The following LRBA variants were observed in gnomAD, a reference collection of about 807,000 sequenced individuals.
LRBA encodes the protein LPS responsive beige-like anchor protein.
LRBA carries 176 observed loss-of-function variants against 330.0 expected under a neutral mutation model. The observed-to-expected ratio is 0.53, with a 90% CI of 0.47 to 0.60. The LOEUF (loss-of-function observed/expected upper bound fraction) is 0.60. Ranked by LOEUF, LRBA falls within the 20% of genes least tolerant of loss-of-function variation. The probability of loss-of-function intolerance (pLI) is 0.00; values close to 1 mark genes in which losing one functional copy is unlikely to be tolerated. For synonymous variants in LRBA, 1,230 were observed against 1,193.0 expected (o/e 1.03, Z -0.64); for missense variants, 3,259 against 3,444.8 (o/e 0.95, Z 1.35).
At chr4:150,914,156 A>G (rs778065708) in intron 9 of LRBA, 39 bp downstream of exon 9, 1 of 1,545,824 alleles carries the variant, frequency 6.5e-7, no homozygotes, top group South Asian at 1.3e-5. Context: ...AATCAAGCTG[A>G]ACTAACATTG....
chr4:150,771,263 G>A (rs964137165), intron 34 of LRBA, among the ~76,000 whole-genome samples: 3 of 152,068 alleles, frequency 2.0e-5, no homozygotes, highest in South Asian at 2.1e-4. Flanking sequence ...CTACCTGTGG[G>A]GAGAAACAGC....
intron 42 of LRBA, among the ~76,000 whole-genome samples, chr4:150,487,172 C>A (rs1330063447): frequency 6.6e-6 from 1 of 151,308 alleles, no homozygotes; most frequent in Non-Finnish European, 1.5e-5. Context: ...ATTGCAGGAT[C>A]ATGTGGTATT....
At position 150,723,379 on chromosome 4, in the gene LRBA, T is replaced by C. The variant is rs530256330; in HGVS notation, c.5754+11879A>G. Among the ~76,000 whole-genome samples the C allele has an allele frequency of 5.9e-5, 9 of 152,280 alleles. No individual in the cohort carries two copies. In the East Asian group the frequency reaches 1.2e-3, roughly 20 times the overall value. ...GGATACCAGCTCAGCCACAGTAGGA[T>C]AGGGCACCAGGCAGAGTCATGAGGC... On this transcript the variant is annotated intron_variant, in intron 36 of 56. Coordinates refer to ENST00000651943, the MANE Select transcript of LRBA (RefSeq NM_001364905.1).
intron 56 of LRBA, among the ~76,000 whole-genome samples, chr4:150,271,799 G>T (rs973230920): frequency 1.3e-5 from 2 of 152,274 alleles, no homozygotes; most frequent in Non-Finnish European, 2.9e-5. Flanking sequence ...TGGCCAGACT[G>T]CCTCTCTAGA....
chr4:150,581,498 T>G (rs1185207355), intron 40 of LRBA: 3 of 285,614 alleles, frequency 1.1e-5, no homozygotes, highest in African/African-American at 6.6e-5. Flanking sequence ...CCAAAGTAAT[T>G]TTGTTACAGT....
intron 2 of LRBA, among the ~76,000 whole-genome samples, chr4:151,000,981 T>C (rs1743260759): frequency 6.6e-6 from 1 of 152,216 alleles, no homozygotes; most frequent in Admixed American, 6.5e-5. Context: ...CCTGCAATTC[T>C]AGCCATTGGG....
chr4:150,967,548 G>C (rs1739040078), intron 2 of LRBA, among the ~76,000 whole-genome samples: 1 of 152,168 alleles, frequency 6.6e-6, no homozygotes, highest in Non-Finnish European at 1.5e-5. Context: ...TCCAAGTACA[G>C]ACATACATCA....
At chr4:150,377,204 G>C (rs1191833993) in intron 47 of LRBA, among the ~76,000 whole-genome samples, 1 of 151,046 alleles carries the variant, frequency 6.6e-6, no homozygotes, top group Non-Finnish European at 1.5e-5. Context: ...ACTTCCCCTA[G>C]GAATTCATAT....
intron 40 of LRBA, among the ~76,000 whole-genome samples, chr4:150,552,317 A>G (rs1766712884): frequency 6.6e-6 from 1 of 152,212 alleles, no homozygotes; most frequent in Non-Finnish European, 1.5e-5. Flanking sequence ...CATATCCTGT[A>G]CAATTCTCCT....
At chr4:150,921,128 A>C in intron 5 of LRBA, 70 bp downstream of exon 5, 1 of 994,234 alleles carries the variant, frequency 1.0e-6, no homozygotes, top group Non-Finnish European at 1.6e-6. Context: ...AGGGGTGTTC[A>C]CAGGGCTGTA....
intron 4 of LRBA, among the ~76,000 whole-genome samples, chr4:150,921,637 A>G (rs1484410695): frequency 6.6e-6 from 1 of 151,870 alleles, no homozygotes; most frequent in Non-Finnish European, 1.5e-5. Context: ...CAGTGGCGCC[A>G]TCTCGGCTCA....
chr4:150,458,787 T>G (rs1268384447), intron 44 of LRBA, among the ~76,000 whole-genome samples: 5 of 94,958 alleles, frequency 5.3e-5, no homozygotes, highest in African/African-American at 1.4e-4. Flanking sequence ...TATTCTAGTT[T>G]TTTTTTTTTT....
At position 150,436,811 on chromosome 4, in the gene LRBA, T is replaced by G. The variant is rs1751169064; in HGVS notation, c.6834A>C (p.Glu2278Asp). The change falls in exon 45 of 57, where the codon GAA becomes GAC. Residue 2278 changes from glutamate (E) to aspartate (D), a missense_variant. Glu to Asp is a conservative substitution (Grantham distance 45, BLOSUM62 2). Coordinates refer to ENST00000651943, the MANE Select transcript of LRBA (RefSeq NM_001364905.1). ...TTGGAACTTGATCATCTTCCCATGA[T>G]TCATAACGCTCAGCGAAGAATGCTG... ...KRAAFFAERY[E>D]SWEDDQVPKF... 6.2e-7 allele frequency: 1 copy of G among 1,613,696 alleles called. No individual in the cohort carries two copies.
intron 47 of LRBA, among the ~76,000 whole-genome samples, chr4:150,365,461 A>C (rs1445150657): frequency 6.6e-6 from 1 of 152,222 alleles, no homozygotes; most frequent in Non-Finnish European, 1.5e-5. Flanking sequence ...TTCATTCTGC[A>C]AATTTCTAAA....
At chr4:150,885,419 G>A (rs1434086918) in intron 17 of LRBA, among the ~76,000 whole-genome samples, 4 of 151,980 alleles carry the variant, frequency 2.6e-5, no homozygotes, top group African/African-American at 7.2e-5. Flanking sequence ...CCAGGCATTC[G>A]AGACCAGCCT....
chr4:150,887,553 G>A (rs1729067396), intron 17 of LRBA, among the ~76,000 whole-genome samples: 1 of 151,942 alleles, frequency 6.6e-6, no homozygotes, highest in Non-Finnish European at 1.5e-5. Context: ...GCAGGCAGAT[G>A]GTCAGGAGAT....
chr4:150,417,831 T>C (rs921780643), intron 46 of LRBA, among the ~76,000 whole-genome samples: 1 of 152,106 alleles, frequency 6.6e-6, no homozygotes, highest in Admixed American at 6.6e-5. Context: ...ATGGAACAAA[T>C]GACATTTCAT....
intron 46 of LRBA, among the ~76,000 whole-genome samples, chr4:150,423,871 T>C (rs1325777037): frequency 6.6e-6 from 1 of 152,046 alleles, no homozygotes; most frequent in Non-Finnish European, 1.5e-5. Context: ...TCTAAATCAG[T>C]AATAGAGAAA....
At chr4:150,660,495 C>T (rs1293662730) in intron 37 of LRBA, among the ~76,000 whole-genome samples, 1 of 151,710 alleles carries the variant, frequency 6.6e-6, no homozygotes, top group Non-Finnish European at 1.5e-5. Flanking sequence ...GGTCAGCCCC[C>T]CCCGCCCGGC....
Sources: allele counts gnomAD v4.1 joint callset (sites outside exome capture counted in the v4.1 genomes callset), GRCh38; gene constraint gnomAD v4.1.1; transcripts MANE v1.5; gene names NCBI Gene and HGNC (gene_info 2026-07-23, HGNC 2026-07-21).